CDH12: variants seen among roughly 807,000 people sequenced by gnomAD.
CDH12 encodes cadherin 12, also known as cadherin-12.
Under a neutral mutation model 74.1 loss-of-function variants are expected in CDH12, and 41 were observed. The ratio of observed to expected loss-of-function variants is 0.55; its 90% CI spans 0.43 to 0.72. The LOEUF (loss-of-function observed/expected upper bound fraction) is 0.72. CDH12 is among the 30% of genes least tolerant of loss of function. The pLI is 0.00. For synonymous variants in CDH12, 399 were observed against 355.0 expected, an observed-to-expected ratio of 1.12 and a Z score of -1.39; for missense variants, 945 against 977.2, an observed-to-expected ratio of 0.97 and a Z score of 0.44.
At chr5:21,774,163 G>T (rs1820757) in intron 11 of CDH12, among the ~76,000 whole-genome samples, 4,748 of 152,142 alleles carry the variant, frequency 0.031, 91 homozygotes, top group Middle Eastern at 0.058. Flanking sequence ...AATGGGAGAG[G>T]CAGACTCACC....
chr5:22,248,571 G>C (rs907774285), intron 3 of CDH12, among the ~76,000 whole-genome samples: 1 of 152,000 alleles, frequency 6.6e-6, no homozygotes, highest in Non-Finnish European at 1.5e-5. Flanking sequence ...GATCACTCTG[G>C]ATACCACACT....
At chr5:22,148,142 G>T (rs1254972735) in intron 4 of CDH12, among the ~76,000 whole-genome samples, 1 of 152,128 alleles carries the variant, frequency 6.6e-6, no homozygotes, top group East Asian at 1.9e-4. Context: ...AGTACTTAAA[G>T]ACTTTTTTCC....
rs535486144 is a variant in CDH12, at chr5:22,638,398, T to A, written c.-522-133034A>T. Among the ~76,000 whole-genome samples, 7 of 152,214 alleles carry A rather than the reference T, an allele frequency of 4.6e-5. No homozygotes were observed. The South Asian group carries it at 1.4e-3, about 32-fold the overall frequency. On this transcript the variant is annotated intron_variant, in intron 1 of 14. Transcript: ENST00000382254. The stretch of plus-strand genomic sequence containing the variant: ...TCCGAAAGCTGAAAAACTTGGAGTC[T>A]GATGTTTGAGGGCGGCAAGCATCCA...
intron 3 of CDH12, among the ~76,000 whole-genome samples, chr5:22,236,910 C>A (rs903599417): frequency 3.9e-5 from 6 of 152,016 alleles, no homozygotes; most frequent in African/African-American, 1.5e-4. Context: ...AATAACAAAA[C>A]CTTCTTCTGG....
chr5:22,464,258 A>C (rs1745637822), intron 2 of CDH12, among the ~76,000 whole-genome samples: 2 of 152,144 alleles, frequency 1.3e-5, no homozygotes, highest in African/African-American at 4.8e-5. Flanking sequence ...CAAATCCATT[A>C]AACCCCTTTT....
At chr5:22,001,245 A>T (rs967831554) in intron 5 of CDH12, among the ~76,000 whole-genome samples, 6 of 152,092 alleles carry the variant, frequency 3.9e-5, no homozygotes, top group Non-Finnish European at 8.8e-5. Flanking sequence ...TTGGGATCTG[A>T]TTGCAAAGTT....
chr5:22,750,004 T>A (rs563607669), intron 1 of CDH12, among the ~76,000 whole-genome samples: 1 of 152,344 alleles, frequency 6.6e-6, no homozygotes, highest in South Asian at 2.1e-4. Context: ...CTTAACCGTT[T>A]AGTCTTGGAC....
At chr5:22,564,193 C>A (rs558407985) in intron 1 of CDH12, among the ~76,000 whole-genome samples, 1 of 152,320 alleles carries the variant, frequency 6.6e-6, no homozygotes, top group Non-Finnish European at 1.5e-5. Context: ...CTGAATTCTT[C>A]ATTAGCTTTC....
intron 4 of CDH12, among the ~76,000 whole-genome samples, chr5:22,154,309 C>A (rs907196646): frequency 6.6e-6 from 1 of 151,306 alleles, no homozygotes; most frequent in Non-Finnish European, 1.5e-5. Flanking sequence ...CTATAGTCAC[C>A]ATGCTCTACA....
At chr5:22,252,037 A>T (rs905376116) in intron 3 of CDH12, among the ~76,000 whole-genome samples, 8 of 152,082 alleles carry the variant, frequency 5.3e-5, no homozygotes, top group African/African-American at 1.9e-4. Context: ...TCCAAATGGT[A>T]TCTAAATACA....
chr5:22,722,008 G>T (rs575932437), intron 1 of CDH12, among the ~76,000 whole-genome samples: 2 of 152,162 alleles, frequency 1.3e-5, no homozygotes, highest in African/African-American at 4.8e-5. Context: ...GTGTGAAAAT[G>T]GACTAGTACA....
chr5:22,024,123 T>C, intron 5 of CDH12, among the ~76,000 whole-genome samples: 1 of 152,118 alleles, frequency 6.6e-6, no homozygotes, highest in East Asian at 1.9e-4. Context: ...TAATTAATAA[T>C]TGAGTTTTAG....
intron 5 of CDH12, among the ~76,000 whole-genome samples, chr5:22,017,102 C>T (rs1342347199): frequency 6.6e-6 from 1 of 152,082 alleles, no homozygotes; most frequent in Non-Finnish European, 1.5e-5. Context: ...TCAACTCAGA[C>T]CATAGACTAC....
At chr5:22,346,422 T>C (rs1206395125) in intron 3 of CDH12, among the ~76,000 whole-genome samples, 2 of 152,176 alleles carry the variant, frequency 1.3e-5, no homozygotes, top group Non-Finnish European at 2.9e-5. Flanking sequence ...AATTGGTTCA[T>C]TGTGGCCCAA....
intron 2 of CDH12, among the ~76,000 whole-genome samples, chr5:22,452,893 A>AAT (rs1554041792): frequency 6.8e-6 from 1 of 147,126 alleles, no homozygotes; most frequent in Non-Finnish European, 1.5e-5. Flanking sequence ...AAAAAAAAAA[A>AAT]AAAAAAAAAA....
chr5:22,421,920 G>A (rs1238395597), intron 2 of CDH12, among the ~76,000 whole-genome samples: 3 of 152,144 alleles, frequency 2.0e-5, no homozygotes, highest in Non-Finnish European at 4.4e-5. Context: ...GTTTTGACTT[G>A]CATTTCTCTA....
chr5:22,398,725 T>A (rs1468119375), intron 3 of CDH12, among the ~76,000 whole-genome samples: 2 of 152,188 alleles, frequency 1.3e-5, no homozygotes, highest in East Asian at 3.9e-4. Flanking sequence ...AGCCTTTCTA[T>A]TATCTGCATG....
At chr5:22,432,738 T>G (rs1340187879) in intron 2 of CDH12, among the ~76,000 whole-genome samples, 1 of 152,164 alleles carries the variant, frequency 6.6e-6, no homozygotes, top group Non-Finnish European at 1.5e-5. Flanking sequence ...ATATTTCCTG[T>G]ATAATTTTTC....
chr5:22,845,208 CT>C (rs1042340947), intron 1 of CDH12, among the ~76,000 whole-genome samples: 2 of 152,012 alleles, frequency 1.3e-5, no homozygotes, highest in Admixed American at 1.3e-4. Flanking sequence ...TTTTATTCCC[CT>C]AATCATTTTA....
Sources: gnomAD v4.1 joint callset for allele counts (sites outside exome capture counted in the v4.1 genomes callset) on GRCh38, gnomAD v4.1.1 for gene constraint, MANE v1.5 for transcripts, NCBI Gene and HGNC (gene_info 2026-07-23, HGNC 2026-07-21) for gene names.